PHEX: variants seen among roughly 807,000 people sequenced by gnomAD.
PHEX encodes the protein phosphate-regulating neutral endopeptidase PHEX.
PHEX carries 16 observed loss-of-function variants against 68.0 expected under a neutral mutation model. That is an observed-to-expected ratio of 0.24 (90% CI 0.16 to 0.36). The LOEUF is 0.36. Ranked by LOEUF, PHEX falls within the 10% of genes least tolerant of loss-of-function variation. The pLI is 1.00. For synonymous variants in PHEX, 208 were observed against 205.1 expected (o/e 1.01, Z -0.12); for missense variants, 480 against 575.5 (o/e 0.83, Z 1.70).
chrX:22,235,449 AAGTCTGCGATCAG>A (rs746973820), intron 20 of PHEX, among the ~76,000 whole-genome samples: 9 of 111,939 alleles, frequency 8.0e-5, no homozygotes, highest in Admixed American at 9.4e-5. Flanking sequence ...TGGAGGCTGG[AAGTCTGCGATCAG>A]AGTGCTAGTG....
At chrX:22,097,061 A>G (rs1478175227) in intron 8 of PHEX, 23 bp downstream of exon 8, 1 of 1,053,153 alleles carries the variant, frequency 9.5e-7, no homozygotes, top group Non-Finnish European at 1.3e-6. Flanking sequence ...TATCCAGAAA[A>G]CTTTCTCTCA....
chrX:22,247,899 C>A lies in PHEX; in HGVS notation c.2196C>A (p.Asn732Lys), dbSNP rs376952568. ...TTGAAGAATTCCAGAAAGCTTTTAA[C>A]TGTCCACCCAATTCCACGATGAACA... The part of the protein sequence containing the change: ...SNFEEFQKAF[N>K]CPPNSTMNRG... Residue 732 changes from asparagine to lysine, a missense_variant, in exon 22 of 22, where the codon AAC becomes AAA. By Grantham distance (94) the Asn-to-Lys change is moderately conservative. Transcript: ENST00000379374. 2.0e-5 allele frequency: 24 copies of A among 1,208,718 alleles called. No homozygotes were observed. Among genetic ancestry groups the A allele is most frequent in the Non-Finnish European group, 3.4e-6 (3 of 893,899 alleles).
chrX:22,087,630 A>G (rs1056206938), intron 5 of PHEX, among the ~76,000 whole-genome samples: 1 of 112,015 alleles, frequency 8.9e-6, no homozygotes, highest in African/African-American at 3.2e-5. Flanking sequence ...GTAAGACGAA[A>G]AAGAAGCTGG....
At chrX:22,134,990 C>T (rs1317273122) in intron 12 of PHEX, among the ~76,000 whole-genome samples, 2 of 111,917 alleles carry the variant, frequency 1.8e-5, no homozygotes, top group African/African-American at 3.2e-5. Flanking sequence ...AATGAGAACA[C>T]GTAGAGTTTT....
intron 15 of PHEX, among the ~76,000 whole-genome samples, chrX:22,199,527 G>A (rs1934482750): frequency 9.0e-6 from 1 of 111,510 alleles, no homozygotes; most frequent in Non-Finnish European, 1.9e-5. Flanking sequence ...ATCTCTTGCT[G>A]TCCAGCTCTG....
chrX:22,234,615 C>T (rs777098114), intron 20 of PHEX, among the ~76,000 whole-genome samples: 3 of 109,873 alleles, frequency 2.7e-5, no homozygotes, highest in Admixed American at 1.9e-4. Context: ...CGCCCCTTCC[C>T]CCCCCAAGCT....
At chrX:22,113,481 A>G (rs191046507) in intron 10 of PHEX, among the ~76,000 whole-genome samples, 6 of 112,128 alleles carry the variant, frequency 5.4e-5, no homozygotes, top group African/African-American at 1.3e-4. Flanking sequence ...TTTATTCCCA[A>G]GAGTAAACCT....
chrX:22,190,268 A>AT (rs1226817772), intron 14 of PHEX, among the ~76,000 whole-genome samples, 176 bp from the exon 15 acceptor site: 9 of 111,956 alleles, frequency 8.0e-5, no homozygotes, highest in Non-Finnish European at 1.7e-4. Context: ...TTAGGATGAG[A>AT]TTGTTCATTG....
chrX:22,139,780 T>C (rs988910782), intron 12 of PHEX, among the ~76,000 whole-genome samples: 1 of 108,724 alleles, frequency 9.2e-6, no homozygotes, highest in Admixed American at 9.9e-5. Context: ...CCTCAACCGA[T>C]CCGCCAGCTA....
chrX:22,162,182 TG>T (rs771100335), intron 12 of PHEX, among the ~76,000 whole-genome samples: 1 of 111,942 alleles, frequency 8.9e-6, no homozygotes, highest in African/African-American at 3.2e-5. Flanking sequence ...CTCCAACTTT[TG>T]GGGGGCTGCA....
At chrX:22,087,356 C>T (rs779388821) in intron 5 of PHEX, among the ~76,000 whole-genome samples, 2 of 111,601 alleles carry the variant, frequency 1.8e-5, no homozygotes, top group Non-Finnish European at 3.8e-5. Context: ...TGCAGTAGGA[C>T]GAAGCCAGGA....
chrX:22,195,875 T>G (rs1423683506), intron 15 of PHEX, among the ~76,000 whole-genome samples: 1 of 111,964 alleles, frequency 8.9e-6, no homozygotes, highest in African/African-American at 3.3e-5. Context: ...CACCGTGTTC[T>G]ATCATTAAAA....
intron 12 of PHEX, among the ~76,000 whole-genome samples, chrX:22,142,217 ACTCCAGC>A (rs1489716171): frequency 5.4e-5 from 6 of 111,899 alleles, no homozygotes; most frequent in Non-Finnish European, 1.1e-4. Flanking sequence ...ACGCCGCTGC[ACTCCAGC>A]CTGGGCGACA....
At chrX:22,103,717 A>G (rs763249900) in intron 9 of PHEX, among the ~76,000 whole-genome samples, 14 of 111,982 alleles carry the variant, frequency 1.3e-4, no homozygotes, top group Non-Finnish European at 2.6e-4. Context: ...ATGGGCATTT[A>G]TGTTGGTTCC....
intron 11 of PHEX, among the ~76,000 whole-genome samples, chrX:22,132,360 G>A (rs1382040547): frequency 3.6e-5 from 4 of 111,053 alleles, no homozygotes; most frequent in East Asian, 2.8e-4. Context: ...CTCCTGCTTC[G>A]GCCTTCCAAA....
chrX:22,135,447 CTTGCATGAATTAGTACAGG>C (rs72396921), intron 12 of PHEX, among the ~76,000 whole-genome samples: 7,780 of 111,710 alleles, frequency 0.07, 260 homozygotes, highest in African/African-American at 0.1. Context: ...CGAAGAGGTG[CTTGCATGAATTAGTACAGG>C]ACCACCAGGG....
chrX:22,091,899 G>A (rs886517832), intron 6 of PHEX, among the ~76,000 whole-genome samples: 1 of 111,913 alleles, frequency 8.9e-6, no homozygotes, highest in African/African-American at 3.3e-5. Context: ...AGCTTGTGCA[G>A]GGGAACTCCC....
intron 6 of PHEX, among the ~76,000 whole-genome samples, chrX:22,093,261 A>G (rs1299821498): frequency 8.9e-6 from 1 of 111,971 alleles, no homozygotes; most frequent in Admixed American, 9.5e-5. Context: ...TATATCTGAA[A>G]TGAGAGGTGG....
intron 1 of PHEX, among the ~76,000 whole-genome samples, chrX:22,034,770 C>T (rs1030958977): frequency 1.8e-5 from 2 of 112,285 alleles, no homozygotes; most frequent in Non-Finnish European, 3.8e-5. Flanking sequence ...ACCCCAGACC[C>T]GCTGATTCAC....
Sources: gnomAD v4.1 joint callset for allele counts (sites outside exome capture counted in the v4.1 genomes callset) on GRCh38, gnomAD v4.1.1 for gene constraint, MANE v1.5 for transcripts, NCBI Gene and HGNC (gene_info 2026-07-23, HGNC 2026-07-21) for gene names.